TMEM182: variants seen among roughly 807,000 people sequenced by gnomAD.
The protein encoded by TMEM182 is transmembrane protein 182.
TMEM182 carries 20 observed loss-of-function variants against 26.8 expected under a neutral mutation model. The ratio of observed to expected loss-of-function variants is 0.75; its 90% CI spans 0.53 to 1.09. The LOEUF (loss-of-function observed/expected upper bound fraction) is 1.09. Among genes scored for constraint, TMEM182 ranks in the 50% least tolerant of loss-of-function variants. The probability of loss-of-function intolerance (pLI) is 0.00; values close to 1 mark genes in which losing one functional copy is unlikely to be tolerated. For synonymous variants in TMEM182, 109 were observed against 102.2 expected (o/e 1.07, Z -0.40); for missense variants, 277 against 275.5 (o/e 1.01, Z -0.04).
intron 2 of TMEM182, 73 bp downstream of exon 2, chr2:102,762,759 T>A: frequency 7.8e-7 from 1 of 1,276,498 alleles, no homozygotes; most frequent in South Asian, 1.3e-5. Flanking sequence ...ATAGTATATG[T>A]CACTTCTAGC....
At chr2:102,818,729 A>G (rs553452534), downstream of TMEM182, among the ~76,000 whole-genome samples, 2 of 142,678 alleles carry the variant, frequency 1.4e-5, no homozygotes, top group African/African-American at 5.3e-5. Flanking sequence ...TGATATATCT[A>G]ATAATTCTAT....
rs1167032238 is a variant in TMEM182 at position 102,816,613 on chromosome 2, A to G, written c.*1645A>G. On this transcript the variant is annotated 3_prime_UTR_variant, in exon 5 of 5. Coordinates refer to ENST00000412401, the MANE Select transcript of TMEM182 (RefSeq NM_144632.5). The stretch of plus-strand genomic sequence containing the variant: ...GATATCATTGAAACGTTTTTGTGGT[A>G]CTTCCCTTTGTCTTTCACTGTTTCA... 1 of 985,084 alleles carries G rather than the reference A, an allele frequency of 1.0e-6. No homozygotes were observed. The highest frequency in any genetic ancestry group is 1.2e-6 in the Non-Finnish European group (1 of 829,826). The allele number at this position is 985,084 out of a possible 1,614,324, so 61.0% of individuals were successfully genotyped here. A position where few individuals can be genotyped will look rare whatever the true frequency, so the allele number is the denominator to read the frequency against.
chr2:102,798,032 C>T (rs761238926), intron 4 of TMEM182, 32 bp downstream of exon 4: 1 of 1,574,640 alleles, frequency 6.4e-7, no homozygotes, highest in Non-Finnish European at 8.6e-7. Context: ...TGACTTTCAG[C>T]CACGGTTTTT....
At chr2:102,750,306 T>G (rs1679840732) in intron 1 of TMEM182, among the ~76,000 whole-genome samples, 1 of 152,204 alleles carries the variant, frequency 6.6e-6, no homozygotes, top group East Asian at 1.9e-4. Flanking sequence ...TTCCCAGAAC[T>G]TTATCATTGT....
chr2:102,786,303 C>T (rs1681393296), intron 3 of TMEM182, among the ~76,000 whole-genome samples: 1 of 148,460 alleles, frequency 6.7e-6, no homozygotes, highest in Non-Finnish European at 1.5e-5. Flanking sequence ...TAACCTCTGC[C>T]ACCTGGGTTC....
chr2:102,819,219 T>C (rs1682858168), downstream of TMEM182, among the ~76,000 whole-genome samples: 1 of 152,174 alleles, frequency 6.6e-6, no homozygotes, highest in South Asian at 2.1e-4. Flanking sequence ...TTACCAATGC[T>C]TACACAGAGT....
At chr2:102,804,993 A>C (rs1481331265) in intron 4 of TMEM182, among the ~76,000 whole-genome samples, 5 of 152,188 alleles carry the variant, frequency 3.3e-5, no homozygotes, top group African/African-American at 1.2e-4. Flanking sequence ...TGATCCTGTT[A>C]TAATATGGGA....
intron 4 of TMEM182, among the ~76,000 whole-genome samples, chr2:102,806,982 T>A (rs970407042): frequency 6.6e-6 from 1 of 152,214 alleles, no homozygotes; most frequent in Non-Finnish European, 1.5e-5. Flanking sequence ...TGGCATTAGA[T>A]GAAATTCTCA....
intron 3 of TMEM182, among the ~76,000 whole-genome samples, chr2:102,770,675 A>G (rs1680636166): frequency 1.3e-5 from 2 of 151,152 alleles, no homozygotes; most frequent in Non-Finnish European, 2.9e-5. Context: ...GTGAAACCGC[A>G]CACGGATGCT....
intron 3 of TMEM182, among the ~76,000 whole-genome samples, chr2:102,774,422 A>ATT (rs202082656): frequency 1.4e-5 from 2 of 140,846 alleles, no homozygotes; most frequent in African/African-American, 2.6e-5. Context: ...TGCCTGGCTA[A>ATT]TTTTTTTTTT....
intron 3 of TMEM182, among the ~76,000 whole-genome samples, chr2:102,778,647 G>A (rs573955077): frequency 6.6e-6 from 1 of 151,924 alleles, no homozygotes; most frequent in African/African-American, 2.4e-5. Context: ...GGTCTTGAGT[G>A]TATCTCTTTG....
intron 4 of TMEM182, among the ~76,000 whole-genome samples, chr2:102,803,630 A>G (rs190877703): frequency 3.7e-4 from 57 of 152,340 alleles, no homozygotes; most frequent in Admixed American, 3.1e-3. Context: ...TTTTCTCCTT[A>G]ATACTAGAAA....
intron 3 of TMEM182, among the ~76,000 whole-genome samples, chr2:102,793,360 A>C (rs939098141): frequency 2.0e-5 from 3 of 152,152 alleles, no homozygotes; most frequent in African/African-American, 7.2e-5. Context: ...CCCATGAGAG[A>C]TGGTATGAGA....
At chr2:102,820,799 A>C (rs1049990512), downstream of TMEM182, among the ~76,000 whole-genome samples, 1 of 152,218 alleles carries the variant, frequency 6.6e-6, no homozygotes, top group Non-Finnish European at 1.5e-5. Context: ...GCCTCATTAT[A>C]GTATATTTTG....
intron 3 of TMEM182, among the ~76,000 whole-genome samples, chr2:102,830,357 G>A (rs1239030401): frequency 1.3e-5 from 2 of 152,168 alleles, no homozygotes; most frequent in Non-Finnish European, 2.9e-5. Flanking sequence ...AAGTCATGGG[G>A]CTTTCAGCAC....
chr2:102,839,472 A>ATATATATATAT (rs1558796834), intron 3 of TMEM182, among the ~76,000 whole-genome samples: 1 of 78,582 alleles, frequency 1.3e-5, no homozygotes, highest in African/African-American at 4.5e-5. Context: ...TATATATATA[A>ATATATATATAT]TATATACACA....
chr2:102,762,400 C>T, intron 1 of TMEM182, 51 bp downstream of exon 1: 5 of 1,605,408 alleles, frequency 3.1e-6, no homozygotes, highest in Non-Finnish European at 4.3e-6. Context: ...TGAAGATACC[C>T]TTATGTATGC....
intron 3 of TMEM182, among the ~76,000 whole-genome samples, chr2:102,787,564 T>A (rs1056000250): frequency 2.0e-5 from 3 of 152,216 alleles, no homozygotes; most frequent in Admixed American, 2.0e-4. Flanking sequence ...AAGTAGGAAG[T>A]CTATTTATTC....
rs183805719 is a variant in TMEM182, at chr2:102,810,568, C to A, written c.470-4180C>A. On this transcript the variant is annotated intron_variant, in intron 4 of 4. Transcript: ENST00000412401. ...GTAAGAGAACCCATGCAAAATTATA[C>A]GTTTCAATCATTGTTTCACATACTG... is the stretch of plus-strand genomic sequence containing the variant. 4.7e-4 allele frequency among the ~76,000 whole-genome samples: 72 copies of A among 152,268 alleles called. 1 individual carries two copies. The highest frequency in any genetic ancestry group is 1.2e-3 in the African/African-American group (51 of 41,562).
Sources: allele counts gnomAD v4.1 joint callset (sites outside exome capture counted in the v4.1 genomes callset), GRCh38; gene constraint gnomAD v4.1.1; transcripts MANE v1.5; gene names NCBI Gene and HGNC (gene_info 2026-07-23, HGNC 2026-07-21).